ZNF521: variants seen among roughly 807,000 people sequenced by gnomAD.
ZNF521 encodes the protein zinc finger protein 521, also known as LYST-interacting protein 3.
A neutral mutation model predicts 105.5 loss-of-function variants in ZNF521; 14 were observed. That is an observed-to-expected ratio of 0.13 (90% CI 0.09 to 0.21). The LOEUF is 0.21. Ranked by LOEUF, ZNF521 falls within the 10% of genes least tolerant of loss-of-function variation. The pLI is 1.00. For synonymous variants in ZNF521, 635 were observed against 606.0 expected (o/e 1.05, Z -0.70); for missense variants, 1,233 against 1,629.7 (o/e 0.76, Z 4.19).
At chr18:25,257,663 C>T (rs556451365) in intron 3 of ZNF521, among the ~76,000 whole-genome samples, 7 of 152,252 alleles carry the variant, frequency 4.6e-5, no homozygotes, top group African/African-American at 1.2e-4. Flanking sequence ...AAATAATTGC[C>T]TCCTGTACTC....
chr18:25,181,037 G>A (rs1349461855), intron 5 of ZNF521, among the ~76,000 whole-genome samples: 1 of 152,070 alleles, frequency 6.6e-6, no homozygotes, highest in Non-Finnish European at 1.5e-5. Context: ...TGCCTGCTGG[G>A]CTATTTGAAT....
At chr18:25,232,370 A>G (rs1268658813) in intron 3 of ZNF521, among the ~76,000 whole-genome samples, 3 of 152,240 alleles carry the variant, frequency 2.0e-5, no homozygotes, top group Non-Finnish European at 2.9e-5. Context: ...CTGCATATGT[A>G]AACAAAAAGA....
intron 4 of ZNF521, among the ~76,000 whole-genome samples, chr18:25,216,793 T>C (rs1336160951): frequency 1.3e-5 from 2 of 152,158 alleles, no homozygotes; most frequent in African/African-American, 2.4e-5. Context: ...CTGGCCTCAA[T>C]GATCCTCCCA....
chr18:25,159,149 G>A (rs756660266), intron 5 of ZNF521, among the ~76,000 whole-genome samples: 1 of 152,114 alleles, frequency 6.6e-6, no homozygotes, highest in African/African-American at 2.4e-5. Context: ...GTAAAGTGCT[G>A]CAACTTTAGG....
At chr18:25,238,747 T>C (rs537342678) in intron 3 of ZNF521, among the ~76,000 whole-genome samples, 1 of 152,320 alleles carries the variant, frequency 6.6e-6, no homozygotes, top group Non-Finnish European at 1.5e-5. Flanking sequence ...CACAGCCAGA[T>C]GACACAGGGC....
chr18:25,339,375 G>A (rs1914074585), intron 2 of ZNF521, among the ~76,000 whole-genome samples: 1 of 152,134 alleles, frequency 6.6e-6, no homozygotes, highest in Non-Finnish European at 1.5e-5. Flanking sequence ...TGAAACTTCA[G>A]GATTTGCTTG....
intron 7 of ZNF521, among the ~76,000 whole-genome samples, chr18:25,088,489 G>A (rs2033675478): frequency 6.6e-6 from 1 of 151,946 alleles, no homozygotes; most frequent in Admixed American, 6.6e-5. Flanking sequence ...AAAGTGCTGG[G>A]ATTACAGGTG....
At chr18:25,299,530 C>A (rs541469435) in intron 3 of ZNF521, among the ~76,000 whole-genome samples, 59 of 152,262 alleles carry the variant, frequency 3.9e-4, no homozygotes, top group Admixed American at 1.5e-3. Flanking sequence ...ATACAAAAAA[C>A]CCCTAACAGG....
At chr18:25,351,023 G>C (rs1454470320) in intron 1 of ZNF521, 76 bp from the exon 2 acceptor site, 9 of 1,266,726 alleles carry the variant, frequency 7.1e-6, no homozygotes, top group South Asian at 3.3e-5. Context: ...CGCGCCCCTC[G>C]GGCCGCGGCG....
At chr18:25,337,481 G>A (rs992241328) in intron 2 of ZNF521, among the ~76,000 whole-genome samples, 6 of 152,056 alleles carry the variant, frequency 3.9e-5, no homozygotes, top group Admixed American at 3.9e-4. Flanking sequence ...AAATAGAAAG[G>A]CAATTCACAG....
chr18:25,314,948 C>T (rs1165862000), intron 3 of ZNF521, among the ~76,000 whole-genome samples: 2 of 152,162 alleles, frequency 1.3e-5, no homozygotes, highest in African/African-American at 4.8e-5. Context: ...GTTTTGTAAG[C>T]ATAACAAAGT....
chr18:25,128,090 A>T (rs965117170), intron 5 of ZNF521, among the ~76,000 whole-genome samples: 4 of 151,980 alleles, frequency 2.6e-5, no homozygotes, highest in African/African-American at 9.7e-5. Flanking sequence ...ATATTAGCAA[A>T]TTGAATCCAA....
At chr18:25,177,702 C>T (rs2035557969) in intron 5 of ZNF521, among the ~76,000 whole-genome samples, 1 of 152,048 alleles carries the variant, frequency 6.6e-6, no homozygotes, top group Non-Finnish European at 1.5e-5. Context: ...GCAAAAATAT[C>T]GTCTGTAATA....
At chr18:25,322,810 A>G (rs1913012128) in intron 2 of ZNF521, among the ~76,000 whole-genome samples, 1 of 152,208 alleles carries the variant, frequency 6.6e-6, no homozygotes, top group African/African-American at 2.4e-5. Context: ...TCTTGTTTTC[A>G]AAATTATCCA....
At chr18:25,191,701 C>T (rs1246878957) in intron 5 of ZNF521, among the ~76,000 whole-genome samples, 4 of 152,228 alleles carry the variant, frequency 2.6e-5, no homozygotes, top group African/African-American at 9.6e-5. Flanking sequence ...TTATCTGATG[C>T]CTAACAGCCC....
intron 3 of ZNF521, among the ~76,000 whole-genome samples, chr18:25,289,838 A>C (rs1320489753): frequency 6.6e-6 from 1 of 152,266 alleles, no homozygotes; most frequent in East Asian, 1.9e-4. Context: ...CAACTTCCGC[A>C]CACAATAAAA....
chr18:25,224,193 C>T, intron 4 of ZNF521, 152 bp downstream of exon 4: 2 of 740,682 alleles, frequency 2.7e-6, no homozygotes, highest in Non-Finnish European at 4.4e-6. Flanking sequence ...TAATTGCTAG[C>T]TAATGGCTAT....
chr18:25,269,734 C>T (rs968206674), intron 3 of ZNF521, among the ~76,000 whole-genome samples: 1 of 151,962 alleles, frequency 6.6e-6, no homozygotes, highest in Non-Finnish European at 1.5e-5. Flanking sequence ...GATGTTCTTT[C>T]AAACCAATGA....
intron 5 of ZNF521, among the ~76,000 whole-genome samples, chr18:25,164,751 C>A (rs2035308285): frequency 6.6e-6 from 1 of 152,150 alleles, no homozygotes; most frequent in South Asian, 2.1e-4. Flanking sequence ...CCCTGGGCAC[C>A]CCCAGGAGGG....
Sources: allele counts gnomAD v4.1 joint callset (sites outside exome capture counted in the v4.1 genomes callset), GRCh38; gene constraint gnomAD v4.1.1; transcripts MANE v1.5; gene names NCBI Gene and HGNC (gene_info 2026-07-23, HGNC 2026-07-21).